The following BBS9 variants were observed in gnomAD, a reference collection of about 807,000 sequenced individuals.
The protein encoded by BBS9 is protein PTHB1.
BBS9 carries 89 observed loss-of-function variants against 117.7 expected under a neutral mutation model. That is an observed-to-expected ratio of 0.76 (90% CI 0.64 to 0.90). The LOEUF (loss-of-function observed/expected upper bound fraction) is 0.90, where lower values mean the gene tolerates loss of function less well. BBS9 is among the 40% of genes least tolerant of loss of function. BBS9 has a pLI of 0.00. For synonymous variants in BBS9, 379 were observed against 370.9 expected (o/e 1.02, Z -0.25); for missense variants, 982 against 1,042.2 (o/e 0.94, Z 0.80).
intron 21 of BBS9, among the ~76,000 whole-genome samples, chr7:33,597,782 G>A (rs1388789602): frequency 6.6e-6 from 1 of 150,884 alleles, no homozygotes; most frequent in African/African-American, 2.4e-5. Flanking sequence ...CTGAGCCTCT[G>A]TCTTGATATC....
intron 21 of BBS9, among the ~76,000 whole-genome samples, chr7:33,623,910 C>T (rs984786587): frequency 6.6e-6 from 1 of 151,706 alleles, no homozygotes; most frequent in African/African-American, 2.4e-5. Context: ...GAGAAAATAC[C>T]ACTGGGGAGG....
chr7:33,254,442 A>AAGC, intron 5 of BBS9, among the ~76,000 whole-genome samples: 1 of 152,152 alleles, frequency 6.6e-6, no homozygotes, highest in African/African-American at 2.4e-5. Context: ...TGATATACAT[A>AAGC]TACATTGTGT....
rs368019366 is a variant in BBS9, at chr7:33,273,209, T to G, written c.886+14T>G. ...CATATTGCTCAGGTGTGTAGAAAGA[T>G]TTTCTTTTATCTCTTCCATATGTCA... is the stretch of plus-strand genomic sequence containing the variant. On this transcript the variant is annotated intron_variant, in intron 8 of 22. Coordinates refer to ENST00000242067, the MANE Select transcript of BBS9 (RefSeq NM_198428.3). 61 of 1,613,358 alleles carry G rather than the reference T, an allele frequency of 3.8e-5. No individual in the cohort carries two copies. In the African/African-American group the frequency reaches 5.6e-4, roughly 15 times the overall value.
At chr7:33,168,186 G>A (rs1195941997) in intron 4 of BBS9, among the ~76,000 whole-genome samples, 1 of 152,144 alleles carries the variant, frequency 6.6e-6, no homozygotes, top group African/African-American at 2.4e-5. Flanking sequence ...AAAGTTAGAG[G>A]CTGAAAGAGA....
intron 19 of BBS9, among the ~76,000 whole-genome samples, chr7:33,409,978 G>T (rs1257517128): frequency 6.6e-6 from 1 of 151,680 alleles, no homozygotes; most frequent in African/African-American, 2.4e-5. Flanking sequence ...GATCTCTTCT[G>T]CCTTTAAACC....
At chr7:33,139,738 CT>C (rs1425873389) in intron 1 of BBS9, among the ~76,000 whole-genome samples, 2 of 147,046 alleles carry the variant, frequency 1.4e-5, no homozygotes, top group Non-Finnish European at 3.0e-5. Context: ...ATAGTTCTTA[CT>C]TTCTTATTTT....
Position 33,171,226 on chromosome 7 carries a change from A to G in BBS9, c.329-6252A>G, listed in dbSNP as rs568390669. ...CTATACTACAAGGCTACAGTAACCA[A>G]AACAGCATGGTACTGGTACCAAAAC... On this transcript the variant is annotated intron_variant, in intron 4 of 22. Transcript: ENST00000242067. 1.6e-4 allele frequency among the ~76,000 whole-genome samples: 25 copies of G among 152,220 alleles called. No individual in the cohort carries two copies. In the South Asian group the frequency reaches 4.8e-3, roughly 29 times the overall value.
At chr7:33,160,290 C>G (rs931852494) in intron 4 of BBS9, among the ~76,000 whole-genome samples, 2 of 152,212 alleles carry the variant, frequency 1.3e-5, no homozygotes, top group African/African-American at 2.4e-5. Context: ...GAAATGTTCT[C>G]TTTAACCTGT....
At chr7:33,534,975 A>C (rs760950415) in intron 21 of BBS9, among the ~76,000 whole-genome samples, 4 of 151,916 alleles carry the variant, frequency 2.6e-5, no homozygotes, top group Non-Finnish European at 5.9e-5. Context: ...TCCTTCTTAC[A>C]TGCCTTTTCT....
chr7:33,133,333 A>G (rs774850311), intron 1 of BBS9, among the ~76,000 whole-genome samples: 1 of 152,202 alleles, frequency 6.6e-6, no homozygotes, highest in Non-Finnish European at 1.5e-5. Context: ...ACATGTAACC[A>G]TTACCACAGC....
At chr7:33,626,666 GAGGCATTGTGGAGGTTGTT>G (rs1467935148) in intron 21 of BBS9, among the ~76,000 whole-genome samples, 1 of 152,206 alleles carries the variant, frequency 6.6e-6, no homozygotes, top group African/African-American at 2.4e-5. Flanking sequence ...AAAGAGGTTG[GAGGCATTGTGGAGGTTGTT>G]AGGCATTAGC....
chr7:33,193,158 A>ATTAT (rs1194620694), intron 5 of BBS9, among the ~76,000 whole-genome samples: 5 of 152,170 alleles, frequency 3.3e-5, no homozygotes, highest in Non-Finnish European at 5.9e-5. Flanking sequence ...CTTGTTAACA[A>ATTAT]ACTGCCCCTC....
At chr7:33,492,319 G>A (rs999283060) in intron 19 of BBS9, among the ~76,000 whole-genome samples, 16 of 150,840 alleles carry the variant, frequency 1.1e-4, no homozygotes, top group Admixed American at 4.6e-4. Flanking sequence ...GCTAGCCACC[G>A]TGACAAATAC....
intron 21 of BBS9, among the ~76,000 whole-genome samples, chr7:33,588,426 C>G (rs1163642314): frequency 6.6e-6 from 1 of 152,094 alleles, no homozygotes; most frequent in African/African-American, 2.4e-5. Context: ...CTCCTAATCT[C>G]TCAGCCTAAA....
At chr7:33,237,114 C>T (rs531047853) in intron 5 of BBS9, among the ~76,000 whole-genome samples, 19 of 152,232 alleles carry the variant, frequency 1.2e-4, no homozygotes, top group African/African-American at 4.1e-4. Flanking sequence ...AGTTCCTTTT[C>T]ATTTCCCTTC....
At chr7:33,217,818 G>A (rs1436058113) in intron 5 of BBS9, among the ~76,000 whole-genome samples, 1 of 152,060 alleles carries the variant, frequency 6.6e-6, no homozygotes, top group Non-Finnish European at 1.5e-5. Flanking sequence ...ATATGTCATC[G>A]ACCAAGCCAA....
intron 19 of BBS9, among the ~76,000 whole-genome samples, chr7:33,476,808 T>C (rs1322894779): frequency 2.6e-5 from 4 of 152,228 alleles, no homozygotes; most frequent in Non-Finnish European, 5.9e-5. Flanking sequence ...ATTTCTATCT[T>C]GTTAAGAGAT....
chr7:33,183,485 C>A (rs1012639936), intron 5 of BBS9, among the ~76,000 whole-genome samples: 4 of 152,090 alleles, frequency 2.6e-5, no homozygotes, highest in African/African-American at 7.2e-5. Context: ...CCTTATAAAC[C>A]TCTTATTACC....
chr7:33,534,153 C>T lies in BBS9; in HGVS notation c.2498C>T (p.Ala833Val). 6.2e-7 allele frequency: 1 copy of T among 1,614,156 alleles called. No homozygotes were observed. Among genetic ancestry groups the T allele is most frequent in the Non-Finnish European group, 8.5e-7 (1 of 1,180,012 alleles). ...CTCTGCCTAAGTACCGATGCAGCAG[C>T]CCCACAGACCATGGTCATGCCAGGT... The part of the protein sequence containing the change: ...GRLCLSTDAA[A>V]PQTMVMPGGC... Residue 833 changes from alanine to valine, a missense_variant, in exon 21 of 23, where the codon GCC (alanine) becomes GTC (valine). Physicochemically the swap from Ala to Val is moderately conservative, Grantham distance 64. Coordinates refer to ENST00000242067, the MANE Select transcript of BBS9 (RefSeq NM_198428.3).
Sources: gnomAD v4.1 joint callset for allele counts (sites outside exome capture counted in the v4.1 genomes callset) on GRCh38, gnomAD v4.1.1 for gene constraint, MANE v1.5 for transcripts, NCBI Gene and HGNC (gene_info 2026-07-23, HGNC 2026-07-21) for gene names.